The following TBC1D20 variants were observed in gnomAD, a reference collection of about 807,000 sequenced individuals.
TBC1D20 encodes chromosome 20 open reading frame 140.
Under a neutral mutation model 41.6 loss-of-function variants are expected in TBC1D20, and 12 were observed. The ratio of observed to expected loss-of-function variants is 0.29; its 90% CI spans 0.18 to 0.47. The LOEUF (loss-of-function observed/expected upper bound fraction) is 0.47. Among genes scored for constraint, TBC1D20 ranks in the 20% least tolerant of loss-of-function variants. The probability of loss-of-function intolerance (pLI) is 1.00; values close to 1 mark genes in which losing one functional copy is unlikely to be tolerated. For synonymous variants in TBC1D20, 205 were observed against 204.8 expected (o/e 1.00, Z -0.01); for missense variants, 421 against 517.4 (o/e 0.81, Z 1.81).
intron 3 of TBC1D20, among the ~76,000 whole-genome samples, chr20:444,278 G>C (rs907235104): frequency 6.6e-6 from 1 of 152,232 alleles, no homozygotes; most frequent in Non-Finnish European, 1.5e-5. Flanking sequence ...AATCTGTCCA[G>C]GGAGCAAGAA....
intron 1 of TBC1D20, among the ~76,000 whole-genome samples, chr20:450,470 G>A (rs540338751): frequency 1.3e-5 from 2 of 152,200 alleles, no homozygotes; most frequent in Non-Finnish European, 2.9e-5. Context: ...TTCAAAACCA[G>A]TGTCAAAGGG....
intron 2 of TBC1D20, among the ~76,000 whole-genome samples, chr20:447,652 C>T (rs1401778880): frequency 6.6e-6 from 1 of 152,050 alleles, no homozygotes; most frequent in South Asian, 2.1e-4. Flanking sequence ...AGCAAGACTC[C>T]GTCTCAAAAA....
At chr20:462,121 C>T (rs1450535445) in intron 1 of TBC1D20, among the ~76,000 whole-genome samples, 2 of 152,166 alleles carry the variant, frequency 1.3e-5, no homozygotes, top group Non-Finnish European at 2.9e-5. Context: ...CAGGCTCCCT[C>T]GGGTCAGCTC....
At chr20:442,105 A>G in intron 3 of TBC1D20, 62 bp from the exon 4 acceptor site, 1 of 1,410,324 alleles carries the variant, frequency 7.1e-7, no homozygotes, top group Non-Finnish European at 9.5e-7. Flanking sequence ...AAGGAGGTCG[A>G]AGAAGGCCAG....
chr20:439,078 C>G lies in TBC1D20; in HGVS notation c.956+30G>C. On this transcript the variant is annotated intron_variant, in intron 7 of 7. Coordinates refer to ENST00000354200, the MANE Select transcript of TBC1D20 (RefSeq NM_144628.4). The surrounding 1 kb of genome is among the most constrained non-coding windows in gnomAD (Gnocchi z 4.6). ...CGCTTCTGCTCATTTACAGCCACCC[C>G]CATTCAACCAGTGTCCCAGCCTTGC... is the stretch of plus-strand genomic sequence containing the variant. 1 of 1,588,110 alleles carries G rather than the reference C, an allele frequency of 6.3e-7. No individual in the cohort carries two copies. Among genetic ancestry groups the G allele is most frequent in the Non-Finnish European group, 8.6e-7 (1 of 1,166,886 alleles).
chr20:455,304 T>G (rs183088897), intron 1 of TBC1D20, among the ~76,000 whole-genome samples: 43 of 152,246 alleles, frequency 2.8e-4, no homozygotes, highest in Non-Finnish European at 5.6e-4. Flanking sequence ...GGAAGCCAAA[T>G]TAAATGGTTA....
At chr20:460,208 G>A (rs1009876772) in intron 1 of TBC1D20, among the ~76,000 whole-genome samples, 2 of 151,930 alleles carry the variant, frequency 1.3e-5, no homozygotes, top group African/African-American at 2.4e-5. Flanking sequence ...ACAATGGAAG[G>A]GGGGGGCCGT....
At chr20:461,341 T>C (rs2017625353) in intron 1 of TBC1D20, among the ~76,000 whole-genome samples, 1 of 152,140 alleles carries the variant, frequency 6.6e-6, no homozygotes, top group South Asian at 2.1e-4. Context: ...AGTATAAAAA[T>C]AGAAGCGCTT....
At chr20:458,611 G>A (rs2017581392) in intron 1 of TBC1D20, among the ~76,000 whole-genome samples, 1 of 151,980 alleles carries the variant, frequency 6.6e-6, no homozygotes, top group African/African-American at 2.4e-5. Context: ...ACCATACCTG[G>A]CCTCCAATTC....
chr20:447,695 C>A (rs1403770700), intron 2 of TBC1D20, among the ~76,000 whole-genome samples, 194 bp downstream of exon 2: 2 of 152,084 alleles, frequency 1.3e-5, no homozygotes, highest in African/African-American at 2.4e-5. Flanking sequence ...AAAAAGAACT[C>A]ATTCCACTTT....
At chr20:454,212 T>C (rs1246757982) in intron 1 of TBC1D20, among the ~76,000 whole-genome samples, 15 of 144,186 alleles carry the variant, frequency 1.0e-4, no homozygotes, top group Non-Finnish European at 1.6e-4. Flanking sequence ...CACTGCACTC[T>C]AGCCTGGGTG....
intron 1 of TBC1D20, among the ~76,000 whole-genome samples, chr20:458,655 T>A (rs2017581827): frequency 6.6e-6 from 1 of 152,152 alleles, no homozygotes; most frequent in Admixed American, 6.6e-5. Flanking sequence ...ATTTACTTAC[T>A]ATTTCAAAAT....
intron 1 of TBC1D20, among the ~76,000 whole-genome samples, chr20:455,475 G>C (rs966756759): frequency 6.6e-6 from 1 of 151,770 alleles, no homozygotes; most frequent in African/African-American, 2.4e-5. Flanking sequence ...AAAATTAGCC[G>C]GGTGTGGTGG....
chr20:439,948 T>C lies in TBC1D20; in HGVS notation c.768+300A>G, dbSNP rs2017193840. On this transcript the variant is annotated intron_variant, in intron 6 of 7. Coordinates refer to ENST00000354200, the MANE Select transcript of TBC1D20 (RefSeq NM_144628.4). The surrounding 1 kb of genome is among the most constrained non-coding windows in gnomAD (Gnocchi z 4.6). Reference sequence around the variant, plus strand: ...TAATTGTGTTCATCAGCTGAACATATATTCCAGACAATGTCAACAGGAACC... The same window carrying C: ...TAATTGTGTTCATCAGCTGAACATACATTCCAGACAATGTCAACAGGAACC... 6.6e-6 allele frequency among the ~76,000 whole-genome samples: 1 copy of C among 152,208 alleles called. No individual in the cohort carries two copies. The highest frequency in any genetic ancestry group is 1.5e-5 in the Non-Finnish European group (1 of 68,034).
intron 1 of TBC1D20, among the ~76,000 whole-genome samples, chr20:455,875 T>C (rs1450135654): frequency 6.6e-6 from 1 of 152,064 alleles, no homozygotes; most frequent in Non-Finnish European, 1.5e-5. Context: ...GAGGTTACAG[T>C]GAGCTGAGAT....
intron 1 of TBC1D20, among the ~76,000 whole-genome samples, chr20:457,162 C>T (rs1320459105): frequency 1.3e-5 from 2 of 152,000 alleles, no homozygotes; most frequent in Non-Finnish European, 2.9e-5. Context: ...TCTCGAACTC[C>T]CCACCTCAGG....
Position 439,175 on chromosome 20 carries a change from C to G in TBC1D20, c.889G>C (p.Asp297His). The G allele has an allele frequency of 1.2e-6, 2 of 1,614,204 alleles. No homozygotes were observed. Among genetic ancestry groups the G allele is most frequent in the African/African-American group, 2.7e-5 (2 of 75,062 alleles). The change falls in exon 7 of 8, where the codon GAC becomes CAC. Residue 297 changes from aspartate to histidine, a missense_variant. This residue lies in a region of TBC1D20 where 161 missense variants were observed against 182.7 expected (regional missense o/e 0.88). Transcript: ENST00000354200. The surrounding 1 kb of genome is among the most constrained non-coding windows in gnomAD (Gnocchi z 4.6). ...GATGGGGGAAACTGAACAAAAAGGTCTCCTGCTCTGCTGATCAGTGTCTCA... is the reference window on the plus strand; with the variant it reads ...GATGGGGGAAACTGAACAAAAAGGTGTCCTGCTCTGCTGATCAGTGTCTCA... ...PYETLISRAG[D>H]LFVQFPPSEL...
At chr20:461,218 G>C (rs1033147572) in intron 1 of TBC1D20, among the ~76,000 whole-genome samples, 3 of 152,136 alleles carry the variant, frequency 2.0e-5, no homozygotes, top group African/African-American at 7.2e-5. Flanking sequence ...ATTTAACTTG[G>C]TTCACGGTGT....
chr20:438,881 AGAG>A, intron 7 of TBC1D20, 40 bp from the exon 8 acceptor site: 1 of 1,605,114 alleles, frequency 6.2e-7, no homozygotes, highest in Non-Finnish European at 8.5e-7. Flanking sequence ...GTGGTATGAA[AGAG>A]GAGGAGGAAA....
Sources: gnomAD v4.1 joint callset for allele counts (sites outside exome capture counted in the v4.1 genomes callset) on GRCh38, gnomAD v4.1.1 for gene constraint, gnomAD v4.1.1 regional missense constraint, Gnocchi (gnomAD v3.1) non-coding constraint, MANE v1.5 for transcripts, NCBI Gene and HGNC (gene_info 2026-07-23, HGNC 2026-07-21) for gene names.